Variants in F13A1 observed in about 807,000 individuals in gnomAD.
F13A1 encodes the protein FSF, A subunit.
F13A1 carries 47 observed loss-of-function variants against 80.1 expected under a neutral mutation model. That is an observed-to-expected ratio of 0.59 (90% CI 0.46 to 0.75). The LOEUF (loss-of-function observed/expected upper bound fraction) is 0.75, where lower values mean the gene tolerates loss of function less well. F13A1 is among the 30% of genes least tolerant of loss of function. The pLI is 0.00. For synonymous variants in F13A1, 349 were observed against 344.9 expected (o/e 1.01, Z -0.13); for missense variants, 817 against 930.4 (o/e 0.88, Z 1.59).
rs1178995677 is a variant in F13A1, at chr6:6,147,066, ACATCCTATGTTCT to A, written c.2046-1307_2046-1295del. Among the ~76,000 whole-genome samples, 6 of 152,360 alleles carry A rather than the reference ACATCCTATGTTCT, an allele frequency of 3.9e-5. No homozygotes were observed. The South Asian group carries it at 1.0e-3, about 26-fold the overall frequency. On this transcript the variant is annotated intron_variant, in intron 14 of 14. Transcript: ENST00000264870. ...AAGTAACTCAGGAATGGAAAACCAA[ACATCCTATGTTCT>A]CACTCATAAGCTGGAGCTAAGCTAT...
In F13A1 at chr6:6,224,739, T is replaced by G; in HGVS notation, c.920A>C (p.Glu307Ala). The G allele has an allele frequency of 6.2e-7, 1 of 1,614,132 alleles. No individual in the cohort carries two copies. The highest frequency in any genetic ancestry group is 2.2e-5 in the East Asian group (1 of 44,884). ...GCATTGGCCATACCGGACTGGATTC[T>G]CAGAGCTCCGGTATTCCAATAGAAT... ...VDILLEYRSS[E>A]NPVRYGQCWV... Residue 307 changes from glutamate to alanine, a missense_variant, in exon 7 of 15, where the codon GAG becomes GCG. Transcript: ENST00000264870.
At chr6:6,170,989 G>C (rs1329421086) in intron 12 of F13A1, among the ~76,000 whole-genome samples, 1 of 152,164 alleles carries the variant, frequency 6.6e-6, no homozygotes, top group African/African-American at 2.4e-5. Context: ...TGTTCCTATG[G>C]ACTCAGGCAT....
chr6:6,145,882 G>A (rs1488102615), intron 14 of F13A1, 110 bp from the exon 15 acceptor site: 3 of 1,439,512 alleles, frequency 2.1e-6, no homozygotes, highest in African/African-American at 1.4e-5. Context: ...CTCAGTTGGT[G>A]CTTAGGACAC....
chr6:6,241,044 G>A (rs747029671), intron 6 of F13A1, among the ~76,000 whole-genome samples: 4 of 152,040 alleles, frequency 2.6e-5, no homozygotes, highest in Admixed American at 2.0e-4. Flanking sequence ...ATTGATATGC[G>A]TTACAATTGG....
intron 3 of F13A1, among the ~76,000 whole-genome samples, chr6:6,283,159 G>T (rs1758089898): frequency 6.6e-6 from 1 of 152,194 alleles, no homozygotes; most frequent in African/African-American, 2.4e-5. Context: ...TTAACATCAA[G>T]TGAGGAAACA....
At position 6,248,312 on chromosome 6, in the gene F13A1, C is replaced by A; in HGVS notation, c.798G>T (p.Met266Ile). 6.2e-7 allele frequency: 1 copy of A among 1,613,282 alleles called. No homozygotes were observed. Among genetic ancestry groups the A allele is most frequent in the Non-Finnish European group, 8.5e-7 (1 of 1,179,388 alleles). Residue 266 changes from methionine (M) to isoleucine (I), a missense_variant and splice_region_variant, in exon 6 of 15, where the codon ATG (methionine) becomes ATT (isoleucine). By Grantham distance (10) the Met-to-Ile change is conservative (BLOSUM62 1). Transcript: ENST00000264870. Reference protein sequence around the residue: ...PIKVSRVGSAMVNAKDDEGVL... With the variant: ...PIKVSRVGSAIVNAKDDEGVL... Reference sequence around the variant, plus strand: ...TTAGGTATCAGTAATTGCTGCTTACCATTGCAGACCCCACACGGCTGACTT... The same window carrying A: ...TTAGGTATCAGTAATTGCTGCTTACAATTGCAGACCCCACACGGCTGACTT...
chr6:6,191,179 A>C (rs902303587), intron 10 of F13A1, among the ~76,000 whole-genome samples: 62 of 145,434 alleles, frequency 4.3e-4, no homozygotes, highest in Non-Finnish European at 7.3e-4. Context: ...AGAAATCACC[A>C]GTCTTCTGCG....
intron 10 of F13A1, among the ~76,000 whole-genome samples, chr6:6,189,956 T>C (rs1199203930): frequency 8.5e-5 from 13 of 152,236 alleles, no homozygotes; most frequent in East Asian, 3.9e-4. Context: ...CTTCCCATCT[T>C]GCTTCATTTC....
At chr6:6,275,063 G>A (rs1043773302) in intron 3 of F13A1, among the ~76,000 whole-genome samples, 4 of 152,166 alleles carry the variant, frequency 2.6e-5, no homozygotes, top group Non-Finnish European at 4.4e-5. Context: ...GATCTGGTGA[G>A]ATTACATTTT....
In F13A1 at chr6:6,174,700, T is replaced by C; in HGVS notation, c.1627A>G (p.Asn543Asp). The C allele has an allele frequency of 1.2e-6, 2 of 1,614,190 alleles. No homozygotes were observed. Among genetic ancestry groups the C allele is most frequent in the South Asian group, 2.2e-5 (2 of 91,080 alleles). ...GTGATGGTGTAACGGTTGTGGCTGTTGTTCCGGAAGGTGATGGAGAGCTTG... is the reference window on the plus strand; with the variant it reads ...GTGATGGTGTAACGGTTGTGGCTGTCGTTCCGGAAGGTGATGGAGAGCTTG... ...DFKLSITFRN[N>D]SHNRYTITAY... Residue 543 changes from asparagine to aspartate, a missense_variant, in exon 12 of 15, where the codon AAC (asparagine) becomes GAC (aspartate). Coordinates refer to ENST00000264870, the MANE Select transcript of F13A1 (RefSeq NM_000129.4).
intron 3 of F13A1, among the ~76,000 whole-genome samples, chr6:6,281,673 G>C (rs1023208478): frequency 6.6e-6 from 1 of 152,132 alleles, no homozygotes; most frequent in Non-Finnish European, 1.5e-5. Context: ...TGAAGACTCA[G>C]TAAATGACAA....
intron 8 of F13A1, among the ~76,000 whole-genome samples, chr6:6,220,540 GCTGTGTGTGTGTGTCTGTGTGTCTGT>G (rs976748957): frequency 3.4e-5 from 5 of 146,918 alleles, no homozygotes; most frequent in South Asian, 2.1e-4. Flanking sequence ...AGCTACAAAG[GCTGTGTGTGTGTGTCTGTGTGTCTGT>G]CTGTGTGTGT....
chr6:6,201,076 C>T (rs1355650170), intron 8 of F13A1, among the ~76,000 whole-genome samples: 3 of 152,062 alleles, frequency 2.0e-5, no homozygotes, highest in Non-Finnish European at 4.4e-5. Flanking sequence ...GTTTAGTGAC[C>T]CCCTGGCTTT....
At chr6:6,190,981 G>A (rs1308434236) in intron 10 of F13A1, among the ~76,000 whole-genome samples, 6 of 152,278 alleles carry the variant, frequency 3.9e-5, no homozygotes, top group East Asian at 3.9e-4. Flanking sequence ...TGAGTGACCC[G>A]ATTTTCCAGG....
chr6:6,268,215 C>T (rs1431148033), intron 3 of F13A1, among the ~76,000 whole-genome samples: 1 of 152,232 alleles, frequency 6.6e-6, no homozygotes, highest in Non-Finnish European at 1.5e-5. Flanking sequence ...CAGACAATAA[C>T]TTCTGTGCTC....
At chr6:6,260,133 G>C (rs145830714) in intron 4 of F13A1, among the ~76,000 whole-genome samples, 92 of 152,284 alleles carry the variant, frequency 6.0e-4, no homozygotes, top group African/African-American at 2.1e-3. Flanking sequence ...CCGAAGCCCG[G>C]TTAGCACCAC....
At chr6:6,279,758 T>C (rs1375625426) in intron 3 of F13A1, among the ~76,000 whole-genome samples, 1 of 152,214 alleles carries the variant, frequency 6.6e-6, no homozygotes. Flanking sequence ...GAATGAGCCT[T>C]CTAGGTTTTA....
At chr6:6,249,936 G>GT (rs1187584712) in intron 5 of F13A1, among the ~76,000 whole-genome samples, 1 of 152,138 alleles carries the variant, frequency 6.6e-6, no homozygotes, top group Non-Finnish European at 1.5e-5. Context: ...ACAAAGCCAG[G>GT]TAGGCAGGAT....
intron 3 of F13A1, among the ~76,000 whole-genome samples, chr6:6,299,803 T>C (rs7743153): frequency 0.13 from 19,035 of 147,046 alleles, 2,046 homozygotes; most frequent in East Asian, 0.22. Context: ...GAACTTCATT[T>C]CTTTGGAGGA....
Sources: allele counts gnomAD v4.1 joint callset (sites outside exome capture counted in the v4.1 genomes callset), GRCh38; gene constraint gnomAD v4.1.1; transcripts MANE v1.5; gene names NCBI Gene and HGNC (gene_info 2026-07-23, HGNC 2026-07-21).